The following DOK6 variants were observed in gnomAD, a reference collection of about 807,000 sequenced individuals.
DOK6 encodes the protein downstream of tyrosine kinase 6.
In DOK6, 22 loss-of-function variants were observed where a neutral mutation model predicts 44.0. The ratio of observed to expected loss-of-function variants is 0.50; its 90% confidence interval spans 0.36 to 0.71. The LOEUF (loss-of-function observed/expected upper bound fraction) is 0.71. DOK6 is among the 30% of genes least tolerant of loss of function. DOK6 has a pLI of 0.00. For synonymous variants in DOK6, 166 were observed against 145.5 expected (o/e 1.14, Z -1.01); for missense variants, 340 against 416.4 (o/e 0.82, Z 1.60).
intron 7 of DOK6, among the ~76,000 whole-genome samples, chr18:69,830,892 A>G (rs1761778878): frequency 6.6e-6 from 1 of 152,182 alleles, no homozygotes; most frequent in Non-Finnish European, 1.5e-5. Context: ...CTTCTGCACT[A>G]TCCAGCTTGG....
At chr18:69,724,809 C>A in intron 5 of DOK6, 1 of 152,154 alleles carries the variant, frequency 6.6e-6, no homozygotes, top group East Asian at 1.9e-4. Context: ...AAAACACTTA[C>A]CTGAGGCACT....
chr18:69,763,509 C>T (rs999225043), intron 7 of DOK6, among the ~76,000 whole-genome samples: 1 of 151,916 alleles, frequency 6.6e-6, no homozygotes, highest in Non-Finnish European at 1.5e-5. Context: ...AATATTCATA[C>T]AATTGTATTT....
chr18:69,680,628 T>C (rs545972603), intron 4 of DOK6, among the ~76,000 whole-genome samples: 5 of 152,318 alleles, frequency 3.3e-5, no homozygotes, highest in African/African-American at 9.6e-5. Context: ...CACACAGAGA[T>C]TGGCACAATT....
intron 3 of DOK6, among the ~76,000 whole-genome samples, chr18:69,630,234 G>C (rs1984659038): frequency 6.6e-6 from 1 of 152,094 alleles, no homozygotes; most frequent in South Asian, 2.1e-4. Flanking sequence ...ACCAAGAAAG[G>C]CTAGAAAGAC....
Position 69,611,495 on chromosome 18 carries a change from T to TACACACACAC in DOK6, c.289+12022_289+12031dup, listed in dbSNP as rs58620722. On this transcript the variant is annotated intron_variant, in intron 3 of 7. Coordinates refer to ENST00000382713, the MANE Select transcript of DOK6 (RefSeq NM_152721.6). ...AAAAGGAAAAAGAAACAAGTACACG[T>TACACACACAC]ACACACACACACACACACACACACA... Among the ~76,000 whole-genome samples, 1,193 of 150,884 alleles carry TACACACACAC rather than the reference T, an allele frequency of 7.9e-3. 9 individuals carry two copies. Among genetic ancestry groups the TACACACACAC allele is most frequent in the Non-Finnish European group, 0.012 (806 of 67,644 alleles).
At chr18:69,764,614 C>A (rs539995335) in intron 7 of DOK6, among the ~76,000 whole-genome samples, 3 of 152,262 alleles carry the variant, frequency 2.0e-5, no homozygotes, top group African/African-American at 7.2e-5. Context: ...CTGAGGCCTT[C>A]CCAGCCATGC....
Position 69,668,367 on chromosome 18 carries a change from T to C in DOK6, c.290-9367T>C, listed in dbSNP as rs376751328. Among the ~76,000 whole-genome samples the C allele has an allele frequency of 9.2e-5, 14 of 152,276 alleles. No homozygotes were observed. In the East Asian group the frequency reaches 2.5e-3, roughly 27 times the overall value. On this transcript the variant is annotated intron_variant, in intron 3 of 7. Coordinates refer to ENST00000382713, the MANE Select transcript of DOK6 (RefSeq NM_152721.6). The stretch of plus-strand genomic sequence containing the variant: ...ATTCTACCTTACATACCTTGTACTT[T>C]AAAAAAACCTAGGAATGTCTTTTGT...
Position 69,580,327 on chromosome 18 carries a change from C to G in DOK6, c.174+15733C>G, listed in dbSNP as rs540980920. Among the ~76,000 whole-genome samples the G allele has an allele frequency of 7.9e-5, 12 of 152,270 alleles. No homozygotes were observed. The East Asian group carries it at 2.3e-3, about 29-fold the overall frequency. ...TGCTGGCTGTCAATAACAAGCTGCTCTCAGCAACTAGAGGCTGTTGCAATC... is the reference window on the plus strand; with the variant it reads ...TGCTGGCTGTCAATAACAAGCTGCTGTCAGCAACTAGAGGCTGTTGCAATC... On this transcript the variant is annotated intron_variant, in intron 2 of 7. Coordinates refer to ENST00000382713, the MANE Select transcript of DOK6 (RefSeq NM_152721.6).
At chr18:69,709,545 C>A (rs1233230056) in intron 5 of DOK6, among the ~76,000 whole-genome samples, 1 of 151,892 alleles carries the variant, frequency 6.6e-6, no homozygotes, top group Non-Finnish European at 1.5e-5. Context: ...AGATTTTTTT[C>A]TTGGTGTTAA....
intron 1 of DOK6, among the ~76,000 whole-genome samples, chr18:69,500,664 T>C (rs1194849360): frequency 6.6e-6 from 1 of 152,186 alleles, no homozygotes. Flanking sequence ...TATTAATGTA[T>C]GTTACTGGCA....
chr18:69,646,051 G>A (rs1482183791), intron 3 of DOK6, among the ~76,000 whole-genome samples: 1 of 152,046 alleles, frequency 6.6e-6, no homozygotes. Context: ...TTTATTATAT[G>A]TATTTATTCT....
intron 1 of DOK6, among the ~76,000 whole-genome samples, chr18:69,442,122 C>A (rs1017198411): frequency 9.9e-5 from 15 of 151,516 alleles, no homozygotes; most frequent in African/African-American, 3.6e-4. Flanking sequence ...TTTAAATTCA[C>A]CATTAATGTT....
At chr18:69,531,127 C>T (rs962644936) in intron 1 of DOK6, among the ~76,000 whole-genome samples, 2 of 151,362 alleles carry the variant, frequency 1.3e-5, no homozygotes, top group Non-Finnish European at 1.5e-5. Context: ...TTCTCCATCC[C>T]TTTATTTTGA....
At chr18:69,508,003 T>A (rs547502644) in intron 1 of DOK6, among the ~76,000 whole-genome samples, 1 of 152,298 alleles carries the variant, frequency 6.6e-6, no homozygotes, top group Admixed American at 6.5e-5. Context: ...AATTATAGGT[T>A]TTTTATAGAG....
chr18:69,612,779 TATTA>T (rs1432261971), intron 3 of DOK6, among the ~76,000 whole-genome samples: 4 of 152,254 alleles, frequency 2.6e-5, no homozygotes, highest in South Asian at 2.1e-4. Flanking sequence ...TGTGTTGAAT[TATTA>T]ATTAATACCT....
intron 5 of DOK6, among the ~76,000 whole-genome samples, chr18:69,710,593 T>A (rs961253076): frequency 1.3e-5 from 2 of 152,350 alleles, no homozygotes; most frequent in African/African-American, 4.8e-5. Context: ...TATTATCTTT[T>A]GACCCGAGGA....
rs534688517 is a variant in DOK6 at position 69,575,562 on chromosome 18, T to TA, written c.174+10976dup. ...TTCCGAGATTATTGAGAGCTACAAA[T>TA]AAAAAAAAGTTGAGCCCTGACAGGA... On this transcript the variant is annotated intron_variant, in intron 2 of 7. Transcript: ENST00000382713. Among the ~76,000 whole-genome samples the TA allele has an allele frequency of 4.7e-4, 72 of 151,622 alleles. No homozygotes were observed. The East Asian group carries it at 0.011, about 22-fold the overall frequency.
intron 1 of DOK6, among the ~76,000 whole-genome samples, chr18:69,433,172 T>C (rs1352019174): frequency 6.6e-6 from 1 of 152,174 alleles, no homozygotes; most frequent in Non-Finnish European, 1.5e-5. Context: ...TATATATTAA[T>C]AAAGTTATAA....
At chr18:69,508,760 C>T (rs1414137324) in intron 1 of DOK6, among the ~76,000 whole-genome samples, 3 of 152,038 alleles carry the variant, frequency 2.0e-5, no homozygotes, top group South Asian at 4.2e-4. Flanking sequence ...TAAGGTCATG[C>T]CATGATGCTT....
Sources: allele counts gnomAD v4.1 joint callset (sites outside exome capture counted in the v4.1 genomes callset), GRCh38; gene constraint gnomAD v4.1.1; transcripts MANE v1.5; gene names NCBI Gene and HGNC (gene_info 2026-07-23, HGNC 2026-07-21).